TNFAIP8: variants seen among roughly 807,000 people sequenced by gnomAD.
TNFAIP8 encodes the protein tumor necrosis factor alpha-induced protein 8.
Under a neutral mutation model 13.3 loss-of-function variants are expected in TNFAIP8, and 7 were observed. The observed-to-expected ratio is 0.52, with a 90% CI of 0.30 to 0.99. The LOEUF (loss-of-function observed/expected upper bound fraction) is 0.99. Among genes scored for constraint, TNFAIP8 ranks in the 50% least tolerant of loss-of-function variants. TNFAIP8 has a pLI of 0.07. For missense variants in TNFAIP8, 258 were observed against 236.9 expected (o/e 1.09, Z -0.58); for synonymous variants, 94 against 87.6 (o/e 1.07, Z -0.41).
intron 1 of TNFAIP8, among the ~76,000 whole-genome samples, chr5:119,271,469 C>T (rs1045983578): frequency 1.3e-5 from 2 of 152,212 alleles, no homozygotes; most frequent in Admixed American, 1.3e-4. Context: ...TTTGATCTAC[C>T]TCATGTAGAA....
At chr5:119,336,095 G>T (rs577088696) in intron 1 of TNFAIP8, among the ~76,000 whole-genome samples, 1 of 152,166 alleles carries the variant, frequency 6.6e-6, no homozygotes, top group African/African-American at 2.4e-5. Flanking sequence ...CTTAAGGGAG[G>T]GGGAGAGATG....
In TNFAIP8 at chr5:119,356,901, A is replaced by G. The variant is rs147021763; in HGVS notation, c.31+780A>G. On this transcript the variant is annotated intron_variant, in intron 1 of 1. Transcript: ENST00000504771. ...TTATGTATACAAAAGTTCTCTTGTA[A>G]GTGGGGGGTGGGAGTAAGGGTGGTT... 4.4e-3 allele frequency among the ~76,000 whole-genome samples: 672 copies of G among 152,152 alleles called. 8 individuals carry two copies. The highest frequency in any genetic ancestry group is 0.042 in the South Asian group (204 of 4,806).
At chr5:119,358,734 TGAA>T (rs1189667754) in intron 1 of TNFAIP8, among the ~76,000 whole-genome samples, 1 of 152,190 alleles carries the variant, frequency 6.6e-6, no homozygotes, top group Non-Finnish European at 1.5e-5. Context: ...TGCTTAATTA[TGAA>T]GTAGTTAAAG....
intron 1 of TNFAIP8, among the ~76,000 whole-genome samples, chr5:119,278,463 A>AGT (rs1218072099): frequency 6.8e-6 from 1 of 147,666 alleles, no homozygotes; most frequent in Non-Finnish European, 1.5e-5. Context: ...CTTCTCTAGT[A>AGT]GTGTCTATCC....
At chr5:119,372,698 G>A (rs1239604596) in intron 1 of TNFAIP8, among the ~76,000 whole-genome samples, 1 of 152,158 alleles carries the variant, frequency 6.6e-6, no homozygotes, top group Admixed American at 6.5e-5. Flanking sequence ...TATGGCTCAT[G>A]CCTGTAATCC....
At chr5:119,348,501 G>A (rs1750989132) in intron 1 of TNFAIP8, among the ~76,000 whole-genome samples, 1 of 152,102 alleles carries the variant, frequency 6.6e-6, no homozygotes, top group Admixed American at 6.6e-5. Flanking sequence ...GCTGTCTCTG[G>A]TAATAAAGTT....
chr5:119,385,794 T>G (rs922103151), intron 1 of TNFAIP8, among the ~76,000 whole-genome samples: 2 of 152,252 alleles, frequency 1.3e-5, no homozygotes, highest in African/African-American at 4.8e-5. Flanking sequence ...AATGTGATTC[T>G]GTACTAAAGA....
At chr5:119,388,484 A>C (rs959893064) in intron 1 of TNFAIP8, among the ~76,000 whole-genome samples, 4 of 152,242 alleles carry the variant, frequency 2.6e-5, no homozygotes, top group Non-Finnish European at 2.9e-5. Flanking sequence ...GCAAGTTGAC[A>C]CAGTGAACAT....
intron 1 of TNFAIP8, among the ~76,000 whole-genome samples, chr5:119,271,408 A>G (rs1290739046): frequency 1.3e-5 from 2 of 152,188 alleles, no homozygotes; most frequent in Non-Finnish European, 1.5e-5. Flanking sequence ...AGATAGCCCA[A>G]TGTGGTAGTA....
chr5:119,279,428 T>TG (rs1748563641), intron 1 of TNFAIP8, among the ~76,000 whole-genome samples: 2 of 152,220 alleles, frequency 1.3e-5, no homozygotes, highest in African/African-American at 4.8e-5. Flanking sequence ...GGATGAACCA[T>TG]GGTGGTGTGC....
chr5:119,381,469 A>G (rs13157686), intron 1 of TNFAIP8, among the ~76,000 whole-genome samples: 313 of 152,172 alleles, frequency 2.1e-3, no homozygotes, highest in Non-Finnish European at 3.7e-3. Context: ...GAGCCCAGGA[A>G]GTTGAGGCTG....
chr5:119,389,883 G>C (rs188499282), intron 1 of TNFAIP8, among the ~76,000 whole-genome samples: 158 of 152,286 alleles, frequency 1.0e-3, no homozygotes, highest in Non-Finnish European at 1.3e-3. Context: ...ATTCATACTT[G>C]ATTACCAGTA....
chr5:119,302,668 C>T (rs1230479863), intron 1 of TNFAIP8, among the ~76,000 whole-genome samples: 2 of 152,210 alleles, frequency 1.3e-5, no homozygotes, highest in Non-Finnish European at 2.9e-5. Context: ...TGACCATCAT[C>T]TTTTCATTAG....
rs1554167569 is a variant in TNFAIP8, at chr5:119,281,287, T to TAC, written c.1+12399_1+12400dup. Among the ~76,000 whole-genome samples the TAC allele has an allele frequency of 2.3e-3, 254 of 112,406 alleles. 4 individuals are homozygous for TAC. The highest frequency in any genetic ancestry group is 6.4e-3 in the African/African-American group (205 of 32,024). The allele number at this position is 112,406 out of a possible 152,430, so 73.7% of individuals were successfully genotyped here. On this transcript the variant is annotated intron_variant, in intron 1 of 1. Transcript: ENST00000274456. ...GTCAGAGCTGGGAAACACACACACATACACACACACACACACACACTCTCT... is the reference window on the plus strand; with the variant it reads ...GTCAGAGCTGGGAAACACACACACATACACACACACACACACACACACTCTCT...
At chr5:119,281,917 T>G (rs1172388510) in intron 1 of TNFAIP8, among the ~76,000 whole-genome samples, 1 of 152,248 alleles carries the variant, frequency 6.6e-6, no homozygotes, top group Non-Finnish European at 1.5e-5. Flanking sequence ...TGTTGTCTGA[T>G]ATAAAATCCT....
At chr5:119,357,710 C>G (rs1383837217) in intron 1 of TNFAIP8, among the ~76,000 whole-genome samples, 1 of 151,708 alleles carries the variant, frequency 6.6e-6, no homozygotes, top group Non-Finnish European at 1.5e-5. Flanking sequence ...TGTTCCTCAC[C>G]TTCCCTCCAC....
intron 1 of TNFAIP8, among the ~76,000 whole-genome samples, chr5:119,357,498 T>C (rs1751476026): frequency 6.6e-6 from 1 of 152,168 alleles, no homozygotes; most frequent in Non-Finnish European, 1.5e-5. Context: ...AAGCTGGCGT[T>C]TTCTCTCAGG....
intron 1 of TNFAIP8, among the ~76,000 whole-genome samples, chr5:119,350,310 G>A (rs1751073682): frequency 6.6e-6 from 1 of 152,156 alleles, no homozygotes; most frequent in Non-Finnish European, 1.5e-5. Context: ...ATTGTATTAG[G>A]AATTATAAGC....
chr5:119,311,015 G>GTTTGT (rs574031185), intron 1 of TNFAIP8, among the ~76,000 whole-genome samples: 2 of 151,990 alleles, frequency 1.3e-5, no homozygotes, highest in Admixed American at 6.6e-5. Flanking sequence ...TCTGTTTTTT[G>GTTTGT]TTTGTTTTGT....
Sources: gnomAD v4.1 joint callset for allele counts (sites outside exome capture counted in the v4.1 genomes callset) on GRCh38, gnomAD v4.1.1 for gene constraint, MANE v1.5 for transcripts, NCBI Gene and HGNC (gene_info 2026-07-23, HGNC 2026-07-21) for gene names.